UBE2G1: variants seen among roughly 807,000 people sequenced by gnomAD.
UBE2G1 encodes ubiquitin conjugating enzyme E2 G1.
UBE2G1 carries 5 observed loss-of-function variants against 22.7 expected under a neutral mutation model. That is an observed-to-expected ratio of 0.22 (90% CI 0.12 to 0.46). The LOEUF (loss-of-function observed/expected upper bound fraction) is 0.46, where lower values mean the gene tolerates loss of function less well. UBE2G1 is among the 20% of genes least tolerant of loss of function. The pLI, the probability that UBE2G1 is intolerant of heterozygous loss-of-function variation, is 0.99. For synonymous variants in UBE2G1, 74 were observed against 67.5 expected, an observed-to-expected ratio of 1.10 and a Z score of -0.47; for missense variants, 88 against 203.9, an observed-to-expected ratio of 0.43 and a Z score of 3.46.
At chr17:4,303,638 G>A (rs1969215521) in intron 2 of UBE2G1, among the ~76,000 whole-genome samples, 1 of 152,172 alleles carries the variant, frequency 6.6e-6, no homozygotes, top group African/African-American at 2.4e-5. Flanking sequence ...AAGCAATGTA[G>A]GCACTAGGTT....
At chr17:4,331,624 A>C (rs976529559) in intron 1 of UBE2G1, 2 of 152,188 alleles carry the variant, frequency 1.3e-5, no homozygotes, top group Non-Finnish European at 2.9e-5. Context: ...AAGTTAAATA[A>C]ATTTTTCTAA....
chr17:4,294,897 T>G (rs1419137430), intron 3 of UBE2G1, among the ~76,000 whole-genome samples: 1 of 151,078 alleles, frequency 6.6e-6, no homozygotes, highest in Non-Finnish European at 1.5e-5. Context: ...AGTGAGACCC[T>G]GTCTTAGAAA....
chr17:4,360,125 C>A (rs994790633), intron 1 of UBE2G1, among the ~76,000 whole-genome samples: 1 of 152,062 alleles, frequency 6.6e-6, no homozygotes, highest in African/African-American at 2.4e-5. Context: ...GTTTACCTTG[C>A]CAGATTTGTT....
At chr17:4,363,443 A>G (rs72829401) in intron 1 of UBE2G1, among the ~76,000 whole-genome samples, 42,012 of 151,742 alleles carry the variant, frequency 0.28, 6,100 homozygotes, top group Admixed American at 0.36. Flanking sequence ...ATCATTAAGA[A>G]AGAGCTTTGG....
intron 1 of UBE2G1, among the ~76,000 whole-genome samples, chr17:4,363,950 CAAAAAAAAAAAAAAAAA>C (rs1195720643): frequency 2.3e-5 from 1 of 43,890 alleles, no homozygotes; most frequent in South Asian, 1.1e-3. Context: ...GACTCCGTCT[CAAAAAAAAAAAAAAAAA>C]AAAAAAAAAA....
intron 1 of UBE2G1, among the ~76,000 whole-genome samples, chr17:4,355,417 T>G (rs946737268): frequency 1.3e-5 from 2 of 149,436 alleles, no homozygotes; most frequent in African/African-American, 2.4e-5. Flanking sequence ...GAGGCGGGTG[T>G]ATCACCTGAG....
At chr17:4,278,421 G>A (rs1277871438) in intron 5 of UBE2G1, among the ~76,000 whole-genome samples, 1 of 151,152 alleles carries the variant, frequency 6.6e-6, no homozygotes, top group Non-Finnish European at 1.5e-5. Context: ...ACTAACCACA[G>A]CTGATGAACT....
At chr17:4,334,682 G>A (rs1022544773) in intron 1 of UBE2G1, among the ~76,000 whole-genome samples, 1 of 152,094 alleles carries the variant, frequency 6.6e-6, no homozygotes, top group Admixed American at 6.6e-5. Context: ...TAGGATTACA[G>A]GCGCCCACCA....
chr17:4,288,416 C>T (rs1401370860), intron 4 of UBE2G1, among the ~76,000 whole-genome samples: 3 of 152,026 alleles, frequency 2.0e-5, no homozygotes, highest in Non-Finnish European at 4.4e-5. Context: ...TTAATGGAGA[C>T]GGGGTTTCAC....
chr17:4,280,152 C>CA (rs1190334583), intron 5 of UBE2G1, among the ~76,000 whole-genome samples: 7 of 150,890 alleles, frequency 4.6e-5, no homozygotes, highest in African/African-American at 1.7e-4. Context: ...TCTCCTGCCT[C>CA]AGCTTCCAGA....
chr17:4,322,041 A>T (rs1424710806), intron 1 of UBE2G1, among the ~76,000 whole-genome samples: 1 of 152,240 alleles, frequency 6.6e-6, no homozygotes, highest in South Asian at 2.1e-4. Context: ...AAATGCAACA[A>T]TCTGAATGAC....
At chr17:4,322,751 T>C (rs1054377468) in intron 1 of UBE2G1, among the ~76,000 whole-genome samples, 7 of 152,212 alleles carry the variant, frequency 4.6e-5, no homozygotes, top group Non-Finnish European at 7.3e-5. Flanking sequence ...GTATATCCCC[T>C]GTATCACACA....
intron 2 of UBE2G1, 81 bp downstream of exon 2, chr17:4,306,940 G>T: frequency 7.5e-7 from 1 of 1,328,638 alleles, no homozygotes; most frequent in Non-Finnish European, 1.1e-6. Flanking sequence ...GTGAGCCACC[G>T]TGCCCAGCCT....
intron 1 of UBE2G1, among the ~76,000 whole-genome samples, chr17:4,349,826 G>A (rs1969823270): frequency 6.8e-6 from 1 of 146,106 alleles, no homozygotes; most frequent in Non-Finnish European, 1.5e-5. Context: ...CTCGGCGACA[G>A]AGCGAGATTC....
At chr17:4,352,054 T>TA (rs1430200935) in intron 1 of UBE2G1, among the ~76,000 whole-genome samples, 2 of 151,896 alleles carry the variant, frequency 1.3e-5, no homozygotes, top group Non-Finnish European at 2.9e-5. Context: ...GGTGAGGAGT[T>TA]AGAGACCAGC....
At chr17:4,314,985 G>GT (rs1402282646) in intron 1 of UBE2G1, among the ~76,000 whole-genome samples, 8 of 152,198 alleles carry the variant, frequency 5.3e-5, no homozygotes, top group Admixed American at 5.2e-4. Flanking sequence ...AAATGAAAAT[G>GT]TGAAGAGTAA....
chr17:4,341,536 A>G (rs1447014060), intron 1 of UBE2G1, among the ~76,000 whole-genome samples: 1 of 152,014 alleles, frequency 6.6e-6, no homozygotes, highest in Non-Finnish European at 1.5e-5. Flanking sequence ...ACTAAATTCA[A>G]TCCCATCAGC....
At chr17:4,329,901 C>T (rs944246294) in intron 1 of UBE2G1, among the ~76,000 whole-genome samples, 1 of 151,734 alleles carries the variant, frequency 6.6e-6, no homozygotes, top group Non-Finnish European at 1.5e-5. Flanking sequence ...TAAACTATCA[C>T]CAGTAGCAGT....
intron 5 of UBE2G1, among the ~76,000 whole-genome samples, chr17:4,281,184 G>C (rs966605649): frequency 2.0e-5 from 3 of 152,148 alleles, no homozygotes. Context: ...ATAAGGAGTA[G>C]AGCGGTAATT....
Sources: allele counts gnomAD v4.1 joint callset (sites outside exome capture counted in the v4.1 genomes callset), GRCh38; gene constraint gnomAD v4.1.1; transcripts MANE v1.5; gene names NCBI Gene and HGNC (gene_info 2026-07-23, HGNC 2026-07-21).